RYR2: variants seen among roughly 807,000 people sequenced by gnomAD.
RYR2 encodes the protein cardiac muscle ryanodine receptor-calcium release channel.
In RYR2, 227 loss-of-function variants were observed where a neutral mutation model predicts 601.1. That is an observed-to-expected ratio of 0.38 (90% CI 0.34 to 0.42). RYR2 has a LOEUF of 0.42. Among genes scored for constraint, RYR2 ranks in the 10% least tolerant of loss-of-function variants. RYR2 has a pLI of 1.00. For synonymous variants in RYR2, 2,223 were observed against 2,175.1 expected, an observed-to-expected ratio of 1.02 and a Z score of -0.61; for missense variants, 4,646 against 6,156.5, an observed-to-expected ratio of 0.75 and a Z score of 8.21.
intron 1 of RYR2, among the ~76,000 whole-genome samples, chr1:237,167,335 T>C (rs971717553): frequency 5.9e-5 from 9 of 152,194 alleles, no homozygotes; most frequent in African/African-American, 2.2e-4. Flanking sequence ...TTTCACATAC[T>C]GGCTAGATAG....
chr1:237,366,312 C>T (rs532877201), intron 5 of RYR2, among the ~76,000 whole-genome samples: 2 of 152,228 alleles, frequency 1.3e-5, no homozygotes, highest in Non-Finnish European at 2.9e-5. Context: ...CAATGTTAAA[C>T]TGGCCTTTGC....
At chr1:237,400,877 A>G (rs1218320333) in intron 10 of RYR2, among the ~76,000 whole-genome samples, 1 of 152,192 alleles carries the variant, frequency 6.6e-6, no homozygotes, top group African/African-American at 2.4e-5. Flanking sequence ...GCAATGTCTG[A>G]AGGGCTTAGA....
At chr1:237,480,292 G>A (rs1361879588) in intron 17 of RYR2, among the ~76,000 whole-genome samples, 20 of 149,638 alleles carry the variant, frequency 1.3e-4, no homozygotes, top group Admixed American at 1.1e-3. Context: ...GGTGGCATGC[G>A]CCTGTTGTCC....
chr1:237,264,480 T>C (rs555406769), intron 1 of RYR2, among the ~76,000 whole-genome samples: 1 of 152,284 alleles, frequency 6.6e-6, no homozygotes, highest in South Asian at 2.1e-4. Flanking sequence ...CATGTTGAGC[T>C]TTGTTTTTGA....
chr1:237,425,258 T>C (rs1020286731), intron 12 of RYR2, among the ~76,000 whole-genome samples: 4 of 152,326 alleles, frequency 2.6e-5, no homozygotes, highest in South Asian at 4.1e-4. Context: ...CTAATCATTT[T>C]TCTTTTGCTG....
At chr1:237,729,398 C>T (rs1372409051) in intron 76 of RYR2, among the ~76,000 whole-genome samples, 1 of 152,142 alleles carries the variant, frequency 6.6e-6, no homozygotes, top group Non-Finnish European at 1.5e-5. Context: ...CTCTCACATA[C>T]AAGAATGTAT....
At chr1:237,284,028 A>T (rs940195009) in intron 2 of RYR2, among the ~76,000 whole-genome samples, 1 of 152,174 alleles carries the variant, frequency 6.6e-6, no homozygotes, top group Non-Finnish European at 1.5e-5. Context: ...TAGCTCCCAC[A>T]TATCAGTGAG....
intron 1 of RYR2, among the ~76,000 whole-genome samples, chr1:237,159,815 C>T (rs975778494): frequency 6.6e-6 from 1 of 152,188 alleles, no homozygotes; most frequent in South Asian, 2.1e-4. Context: ...ACATACAAAT[C>T]TGAACCATCT....
chr1:237,604,335 C>T (rs551308700), intron 35 of RYR2, among the ~76,000 whole-genome samples: 3 of 152,218 alleles, frequency 2.0e-5, no homozygotes, highest in Non-Finnish European at 4.4e-5. Flanking sequence ...GGGTACATAA[C>T]AAAATGAAGG....
intron 16 of RYR2, among the ~76,000 whole-genome samples, chr1:237,461,930 CTTTATATTGAATTTTGACA>C (rs1659529083): frequency 6.6e-6 from 1 of 151,944 alleles, no homozygotes; most frequent in Non-Finnish European, 1.5e-5. Context: ...ACAAATACAA[CTTTATATTGAATTTTGACA>C]TGCAAAATAC....
chr1:237,149,288 G>A (rs1054797049), intron 1 of RYR2, among the ~76,000 whole-genome samples: 16 of 149,510 alleles, frequency 1.1e-4, no homozygotes, highest in Admixed American at 2.7e-4. Context: ...CTGAGACCCC[G>A]TCTCTACAAA....
chr1:237,727,705 C>T (rs950740239), intron 76 of RYR2, among the ~76,000 whole-genome samples: 5 of 151,946 alleles, frequency 3.3e-5, no homozygotes, highest in Admixed American at 2.6e-4. Flanking sequence ...AAATGTTAGT[C>T]ATTATTATTA....
intron 88 of RYR2, among the ~76,000 whole-genome samples, chr1:237,781,135 G>A (rs903845533): frequency 1.3e-5 from 2 of 151,748 alleles, no homozygotes; most frequent in Non-Finnish European, 1.5e-5. Context: ...TGCAACCTCC[G>A]CCTCCCAGGC....
chr1:237,214,939 T>G (rs1319296873), intron 1 of RYR2, among the ~76,000 whole-genome samples: 2 of 152,208 alleles, frequency 1.3e-5, no homozygotes, highest in Non-Finnish European at 2.9e-5. Flanking sequence ...TGAAATGGAC[T>G]AGTAATTTTG....
At chr1:237,293,187 T>C (rs1572500915) in intron 2 of RYR2, among the ~76,000 whole-genome samples, 1 of 152,206 alleles carries the variant, frequency 6.6e-6, no homozygotes, top group African/African-American at 2.4e-5. Context: ...TGCATAAGAC[T>C]GCCCTCTACT....
At chr1:237,293,906 C>T (rs1003170237) in intron 2 of RYR2, among the ~76,000 whole-genome samples, 6 of 152,126 alleles carry the variant, frequency 3.9e-5, no homozygotes, top group South Asian at 2.1e-4. Context: ...CCTTCAGCCC[C>T]TCTATCCTCC....
At position 237,700,203 on chromosome 1, in the gene RYR2, C is replaced by T. The variant is rs551756527; in HGVS notation, c.9129-26C>T. ...TTTCATTTGTTCCTGTTGGAAGATA[C>T]GAGTCCTCCCTTATTTACTTTCTAG... is the stretch of plus-strand genomic sequence containing the variant. On this transcript the variant is annotated intron_variant, in intron 64 of 104. Transcript: ENST00000366574. 5.6e-5 allele frequency: 72 copies of T among 1,277,902 alleles called. No homozygotes were observed. In the South Asian group the frequency reaches 6.3e-4, roughly 11 times the overall value. The allele number at this position is 1,277,902 out of a possible 1,614,324, so 79.2% of individuals were successfully genotyped here. A position where few individuals can be genotyped will look rare whatever the true frequency, so the allele number is the denominator to read the frequency against.
intron 50 of RYR2, 126 bp from the exon 51 acceptor site, chr1:237,651,285 C>A: frequency 1.5e-6 from 1 of 679,566 alleles, no homozygotes; most frequent in Non-Finnish European, 2.6e-6. Flanking sequence ...CAAAGAACAT[C>A]TAATGAATAC....
intron 102 of RYR2, 94 bp from the exon 103 acceptor site, chr1:237,830,436 G>A: frequency 1.3e-6 from 1 of 786,258 alleles, no homozygotes; most frequent in Non-Finnish European, 2.3e-6. Context: ...TGTATTGAGT[G>A]AACCAAATAA....
Sources: gnomAD v4.1 joint callset for allele counts (sites outside exome capture counted in the v4.1 genomes callset) on GRCh38, gnomAD v4.1.1 for gene constraint, MANE v1.5 for transcripts, NCBI Gene and HGNC (gene_info 2026-07-23, HGNC 2026-07-21) for gene names.